Variants in UBE3A observed in about 807,000 individuals in gnomAD.
UBE3A encodes ubiquitin-protein ligase E3A.
Under a neutral mutation model 83.4 loss-of-function variants are expected in UBE3A, and 6 were observed. That is an observed-to-expected ratio of 0.07 (90% CI 0.04 to 0.14). The LOEUF is 0.14. Among genes scored for constraint, UBE3A ranks in the 10% least tolerant of loss-of-function variants. The pLI is 1.00. For missense variants in UBE3A, 456 were observed against 1,036.1 expected (o/e 0.44, Z 7.69); for synonymous variants, 337 against 355.4 (o/e 0.95, Z 0.58).
chr15:25,367,101 T>C (rs2079239965), intron 6 of UBE3A, among the ~76,000 whole-genome samples: 1 of 151,432 alleles, frequency 6.6e-6, no homozygotes, highest in African/African-American at 2.4e-5. Context: ...CATACTATCA[T>C]TGGAAGTGCT....
intron 4 of UBE3A, among the ~76,000 whole-genome samples, 197 bp from the exon 5 acceptor site, chr15:25,375,960 A>G (rs536237645): frequency 9.2e-5 from 14 of 152,294 alleles, no homozygotes; most frequent in African/African-American, 3.1e-4. Context: ...TTTCTAGGAT[A>G]TTATGATAAA....
intron 1 of UBE3A, among the ~76,000 whole-genome samples, chr15:25,432,418 T>C (rs1893741157): frequency 6.6e-6 from 1 of 152,230 alleles, no homozygotes; most frequent in Non-Finnish European, 1.5e-5. Context: ...CTGATTTCAT[T>C]ACATGAAAAG....
chr15:25,369,302 C>A (rs1287750531), intron 6 of UBE3A, among the ~76,000 whole-genome samples: 8 of 149,224 alleles, frequency 5.4e-5, no homozygotes, highest in Admixed American at 1.3e-4. Flanking sequence ...ACCTGAGTTG[C>A]TTAAATAATG....
At chr15:25,401,821 T>C (rs4906710) in intron 4 of UBE3A, among the ~76,000 whole-genome samples, 3,385 of 152,318 alleles carry the variant, frequency 0.022, 60 homozygotes, top group Non-Finnish European at 0.032. Flanking sequence ...TTTTGTCTGC[T>C]TGCTCAATTC....
rs1209581541 is a variant in UBE3A at position 25,371,857 on chromosome 15, G to A, written c.362-45C>T. 6.4e-7 allele frequency: 1 copy of A among 1,568,652 alleles called. No individual in the cohort carries two copies. The highest frequency in any genetic ancestry group is 8.6e-7 in the Non-Finnish European group (1 of 1,160,568). ...AAGAGAACATTTATTTTCATAATAT[G>A]TATGTTTACTCTGTTGCAAAAAGTT... On this transcript the variant is annotated intron_variant, in intron 5 of 12. Coordinates refer to ENST00000648336, the MANE Select transcript of UBE3A (RefSeq NM_130839.5). This position sits in a 1 kb window ranked among gnomAD's most constrained non-coding sequence, Gnocchi z 5.3.
intron 4 of UBE3A, among the ~76,000 whole-genome samples, chr15:25,376,662 AAAC>A (rs1392709516): frequency 6.6e-6 from 1 of 151,802 alleles, no homozygotes; most frequent in African/African-American, 2.4e-5. Context: ...AAACAAACAA[AAAC>A]CAAAAAGAAA....
At chr15:25,358,391 A>T (rs1051276226) in intron 7 of UBE3A, among the ~76,000 whole-genome samples, 1 of 152,110 alleles carries the variant, frequency 6.6e-6, no homozygotes, top group Non-Finnish European at 1.5e-5. Flanking sequence ...TCCACCAAAA[A>T]ATAAAAGATT....
intron 8 of UBE3A, among the ~76,000 whole-genome samples, 161 bp from the exon 9 acceptor site, chr15:25,356,217 A>G: frequency 6.6e-6 from 1 of 152,154 alleles, no homozygotes. Flanking sequence ...CCAACCTATA[A>G]AAGAAAGATT....
At chr15:25,428,111 A>G (rs565847227) in intron 1 of UBE3A, among the ~76,000 whole-genome samples, 18 of 152,286 alleles carry the variant, frequency 1.2e-4, no homozygotes, top group South Asian at 6.2e-4. Context: ...GCAGAAGAAC[A>G]TAACTGTATT....
chr15:25,409,990 G>A (rs60658008), intron 2 of UBE3A, among the ~76,000 whole-genome samples: 7,864 of 146,778 alleles, frequency 0.054, 241 homozygotes, highest in African/African-American at 0.085. Flanking sequence ...TCTGGGGACT[G>A]TTGTGGGGTG....
At chr15:25,405,394 G>A in intron 4 of UBE3A, 67 bp downstream of exon 4, 5 of 1,499,808 alleles carry the variant, frequency 3.3e-6, no homozygotes, top group Non-Finnish European at 4.6e-6. Context: ...CAAATAATGT[G>A]ACGTAATTTA....
chr15:25,432,078 A>C (rs1893626647), intron 1 of UBE3A, among the ~76,000 whole-genome samples: 1 of 152,226 alleles, frequency 6.6e-6, no homozygotes, highest in Non-Finnish European at 1.5e-5. Context: ...ATTTGTTGGA[A>C]GTACGAAAGG....
intron 1 of UBE3A, among the ~76,000 whole-genome samples, chr15:25,434,969 T>TACAC (rs55856025): frequency 2.7e-3 from 393 of 142,920 alleles, no homozygotes; most frequent in African/African-American, 9.5e-3. Flanking sequence ...TCTATATACA[T>TACAC]ACACACACAC....
rs71127053 is a variant in UBE3A, at chr15:25,405,167, AAACTC to A, written c.62+289_62+293del. On this transcript the variant is annotated intron_variant, in intron 4 of 12. Transcript: ENST00000648336. ...AAATATGGTAGGCGTTGAGACTGTTAAACTCAACTCTTTCCTCAACCTCCCTATTT... is the reference window on the plus strand; with the variant it reads ...AAATATGGTAGGCGTTGAGACTGTTAAACTCTTTCCTCAACCTCCCTATTT... Among the ~76,000 whole-genome samples, 30,260 of 151,964 alleles carry A rather than the reference AAACTC, an allele frequency of 0.2. 3,857 individuals are homozygous for A. The highest frequency in any genetic ancestry group is 0.3 in the Non-Finnish European group (20,416 of 67,848).
At chr15:25,403,270 ACCCATTC>A (rs2087622132) in intron 4 of UBE3A, among the ~76,000 whole-genome samples, 1 of 152,108 alleles carries the variant, frequency 6.6e-6, no homozygotes, top group Admixed American at 6.6e-5. Context: ...CCACTTCTTC[ACCCATTC>A]CCCTCAGTAG....
intron 4 of UBE3A, among the ~76,000 whole-genome samples, chr15:25,382,183 C>T (rs915139103): frequency 6.6e-6 from 1 of 151,826 alleles, no homozygotes; most frequent in African/African-American, 2.4e-5. Context: ...TAGCTGGGCG[C>T]CGTGGTGGGC....
intron 4 of UBE3A, among the ~76,000 whole-genome samples, chr15:25,399,132 A>ACTAT (rs982807022): frequency 1.1e-4 from 17 of 152,138 alleles, no homozygotes; most frequent in African/African-American, 4.1e-4. Context: ...GTTTGGAAAT[A>ACTAT]CTATCTTCCA....
In UBE3A at chr15:25,334,577, G is replaced by T. The variant is rs1336149087; in HGVS notation, c.*4560C>A. On this transcript the variant is annotated 3_prime_UTR_variant, in exon 13 of 13. Transcript: ENST00000648336. ...ATAAAAATTCATATGCAATGCAAGG[G>T]ACCCAAAACAGACAAAATGATTTTG... 1 of 148,160 alleles carries T rather than the reference G, an allele frequency of 6.7e-6. No individual in the cohort carries two copies. The allele number at this position is 148,160 out of a possible 1,614,324, so 9.2% of individuals were successfully genotyped here. A position where few individuals can be genotyped will look rare whatever the true frequency, so the allele number is the denominator to read the frequency against.
chr15:25,346,382 T>C (rs1394869286), intron 11 of UBE3A: 1 of 152,192 alleles, frequency 6.6e-6, no homozygotes, highest in Admixed American at 6.5e-5. Flanking sequence ...CACAAATATA[T>C]GCTAGTACCT....
Sources: gnomAD v4.1 joint callset for allele counts (sites outside exome capture counted in the v4.1 genomes callset) on GRCh38, gnomAD v4.1.1 for gene constraint, Gnocchi (gnomAD v3.1) non-coding constraint, MANE v1.5 for transcripts, NCBI Gene and HGNC (gene_info 2026-07-23, HGNC 2026-07-21) for gene names.